Variants in MEI4 observed in about 807,000 individuals in gnomAD.
MEI4 encodes the protein meiotic double-stranded break formation protein 4.
In MEI4, 27 loss-of-function variants were observed where a neutral mutation model predicts 31.4. The ratio of observed to expected loss-of-function variants is 0.86; its 90% CI spans 0.63 to 1.19. MEI4 has a LOEUF of 1.19. Among genes scored for constraint, MEI4 ranks in the 50% most tolerant of loss-of-function variants. The pLI, the probability that MEI4 is intolerant of heterozygous loss-of-function variation, is 0.00. For missense variants in MEI4, 329 were observed against 398.9 expected, an observed-to-expected ratio of 0.82 and a Z score of 1.49; for synonymous variants, 122 against 145.4, an observed-to-expected ratio of 0.84 and a Z score of 1.16.
At chr6:77,652,383 A>G (rs1257822876), upstream of MEI4, among the ~76,000 whole-genome samples, 1 of 152,212 alleles carries the variant, frequency 6.6e-6, no homozygotes, top group Non-Finnish European at 1.5e-5. Context: ...GGGGTTTGCA[A>G]GTGGTCTTAA....
rs537070576 is a variant in MEI4 at position 77,915,355 on chromosome 6, G to T, written c.901-7734G>T. ...TGATGAGTCTCATGAGATTTTGCTTGTCTGGGAAATACTTAATTTCTCTTT... is the reference window on the plus strand; with the variant it reads ...TGATGAGTCTCATGAGATTTTGCTTTTCTGGGAAATACTTAATTTCTCTTT... On this transcript the variant is annotated intron_variant, in intron 4 of 4. Coordinates refer to ENST00000684080, the MANE Select transcript of MEI4 (RefSeq NM_001322247.2). Among the ~76,000 whole-genome samples the T allele has an allele frequency of 3.3e-5, 5 of 152,148 alleles. No homozygotes were observed. The East Asian group carries it at 5.8e-4, about 18-fold the overall frequency.
At chr6:77,921,148 T>C (rs150079538) in intron 4 of MEI4, among the ~76,000 whole-genome samples, 47 of 152,026 alleles carry the variant, frequency 3.1e-4, no homozygotes, top group African/African-American at 1.1e-3. Flanking sequence ...ATTGAACAAC[T>C]GTTATTTAGT....
rs550711140 is a variant in MEI4 at position 77,899,604 on chromosome 6, A to G, written c.901-23485A>G. 2.7e-3 allele frequency among the ~76,000 whole-genome samples: 416 copies of G among 152,180 alleles called. 1 individual carries two copies. Among genetic ancestry groups the G allele is most frequent in the African/African-American group, 8.8e-3 (367 of 41,546 alleles). Reference sequence around the variant, plus strand: ...GATGCTTTCTAGATGAGCACGTTACACCTACATTGGATATTTTCCAGTGCT... The same window carrying G: ...GATGCTTTCTAGATGAGCACGTTACGCCTACATTGGATATTTTCCAGTGCT... On this transcript the variant is annotated intron_variant, in intron 4 of 4. Transcript: ENST00000684080.
rs1479027393 is a variant in MEI4 at position 77,924,212 on chromosome 6, G to T, written c.*866G>T. 1 of 151,618 alleles carries T rather than the reference G, an allele frequency of 6.6e-6. No individual in the cohort carries two copies. The highest frequency in any genetic ancestry group is 1.5e-5 in the Non-Finnish European group (1 of 67,820). 9.4% of individuals were successfully genotyped at this position (151,618 alleles called of 1,614,324 possible). On this transcript the variant is annotated 3_prime_UTR_variant, in exon 5 of 5. Transcript: ENST00000684080. ...ATGAGCATATGTTACATTTCCTATA[G>T]TGCCATTTAGGGAACACAAAATATA... is the stretch of plus-strand genomic sequence containing the variant.
chr6:77,902,991 C>G (rs1766216762), intron 4 of MEI4, among the ~76,000 whole-genome samples: 1 of 152,128 alleles, frequency 6.6e-6, no homozygotes, highest in South Asian at 2.1e-4. Flanking sequence ...AGACCTGTCT[C>G]AGATTTTGGG....
chr6:77,754,772 A>ACTT (rs1252594407), intron 2 of MEI4, among the ~76,000 whole-genome samples: 2 of 152,140 alleles, frequency 1.3e-5, no homozygotes, highest in Non-Finnish European at 2.9e-5. Flanking sequence ...GAAAGCAGGC[A>ACTT]CTTCTTACAT....
At chr6:77,802,041 CG>C (rs1391937836) in intron 3 of MEI4, among the ~76,000 whole-genome samples, 2 of 152,016 alleles carry the variant, frequency 1.3e-5, no homozygotes, top group East Asian at 1.9e-4. Flanking sequence ...CTTTCTGTCT[CG>C]TTGATCTGTC....
chr6:77,757,141 T>G (rs1767936803), intron 2 of MEI4, among the ~76,000 whole-genome samples: 1 of 152,226 alleles, frequency 6.6e-6, no homozygotes, highest in Admixed American at 6.5e-5. Context: ...ATTGGCAAAT[T>G]AGAGATCAAA....
chr6:77,921,394 G>A (rs974863284), intron 4 of MEI4, among the ~76,000 whole-genome samples: 2 of 151,758 alleles, frequency 1.3e-5, no homozygotes, highest in African/African-American at 2.4e-5. Flanking sequence ...TTCAGGTATT[G>A]GCTTAAGTGA....
chr6:77,893,216 G>A (rs1766004627), intron 4 of MEI4, among the ~76,000 whole-genome samples: 1 of 152,136 alleles, frequency 6.6e-6, no homozygotes, highest in South Asian at 2.1e-4. Context: ...GAGAAGGTGA[G>A]TGCCAGGTGC....
chr6:77,744,342 T>C (rs545514049), intron 2 of MEI4, among the ~76,000 whole-genome samples: 7 of 152,162 alleles, frequency 4.6e-5, no homozygotes, highest in African/African-American at 1.7e-4. Context: ...CAGGAGCCGA[T>C]GCAATCAACT....
At chr6:77,874,540 G>C (rs1391753460) in intron 4 of MEI4, among the ~76,000 whole-genome samples, 6 of 152,170 alleles carry the variant, frequency 3.9e-5, no homozygotes, top group Admixed American at 3.9e-4. Flanking sequence ...ATACAATCAA[G>C]TCATCTGCAA....
intron 2 of MEI4, among the ~76,000 whole-genome samples, chr6:77,734,730 C>T (rs994883681): frequency 1.3e-4 from 20 of 151,924 alleles, no homozygotes; most frequent in Middle Eastern, 3.4e-3. Flanking sequence ...TTCCTAGTCT[C>T]GATGGTCTTT....
At chr6:77,672,627 C>T (rs1023353407) in intron 1 of MEI4, among the ~76,000 whole-genome samples, 4 of 152,150 alleles carry the variant, frequency 2.6e-5, no homozygotes, top group African/African-American at 9.7e-5. Flanking sequence ...GCAAGCTCCG[C>T]CTCCCAGGTT....
At chr6:77,788,087 G>A (rs1397537764) in intron 3 of MEI4, among the ~76,000 whole-genome samples, 1 of 152,094 alleles carries the variant, frequency 6.6e-6, no homozygotes, top group Non-Finnish European at 1.5e-5. Flanking sequence ...TACCAGCAGG[G>A]CTGGTTCAAC....
At chr6:77,858,536 G>A (rs772378819) in intron 4 of MEI4, among the ~76,000 whole-genome samples, 1 of 151,942 alleles carries the variant, frequency 6.6e-6, no homozygotes, top group Non-Finnish European at 1.5e-5. Flanking sequence ...TCATGATCCT[G>A]CTATATCAGA....
intron 1 of MEI4, among the ~76,000 whole-genome samples, chr6:77,681,267 T>C (rs1768952453): frequency 6.6e-6 from 1 of 152,216 alleles, no homozygotes; most frequent in Non-Finnish European, 1.5e-5. Context: ...AGGGTATATA[T>C]AGCCTTATAA....
chr6:77,923,373 T>G lies in MEI4; in HGVS notation c.*27T>G, dbSNP rs1020856605. 1 of 1,226,826 alleles carries G rather than the reference T, an allele frequency of 8.2e-7. No individual in the cohort carries two copies. The highest frequency in any genetic ancestry group is 1.6e-5 in the African/African-American group (1 of 64,148). 76.0% of individuals were successfully genotyped at this position (1,226,826 alleles called of 1,614,324 possible). ...TCCATTCCTTAGCAATTTACCACGT[T>G]TGAAGCATAATAAAGTAGAATATAT... is the stretch of plus-strand genomic sequence containing the variant. On this transcript the variant is annotated 3_prime_UTR_variant, in exon 5 of 5. Transcript: ENST00000684080.
intron 3 of MEI4, among the ~76,000 whole-genome samples, chr6:77,821,358 G>A (rs760667127): frequency 6.6e-6 from 1 of 152,114 alleles, no homozygotes; most frequent in African/African-American, 2.4e-5. Context: ...ACTGAACTAA[G>A]AGTGTTTTCC....
Sources: allele counts gnomAD v4.1 joint callset (sites outside exome capture counted in the v4.1 genomes callset), GRCh38; gene constraint gnomAD v4.1.1; transcripts MANE v1.5; gene names NCBI Gene and HGNC (gene_info 2026-07-23, HGNC 2026-07-21).